PDZRN4: variants seen among roughly 807,000 people sequenced by gnomAD.
PDZRN4 encodes the protein PDZ domain containing ring finger 4.
In PDZRN4, 70 loss-of-function variants were observed where a neutral mutation model predicts 99.0. The observed-to-expected ratio is 0.71, with a 90% CI of 0.58 to 0.86. The LOEUF (loss-of-function observed/expected upper bound fraction) is 0.86, where lower values mean the gene tolerates loss of function less well. PDZRN4 is among the 40% of genes least tolerant of loss of function. The pLI is 0.00. For synonymous variants in PDZRN4, 551 were observed against 501.6 expected (o/e 1.10, Z -1.32); for missense variants, 1,474 against 1,331.2 (o/e 1.11, Z -1.67).
At chr12:41,413,047 G>C (rs536476273) in intron 3 of PDZRN4, 8 of 151,630 alleles carry the variant, frequency 5.3e-5, no homozygotes, top group Admixed American at 2.0e-4. Flanking sequence ...CCGAGATCAT[G>C]CCACTGCACT....
At chr12:41,522,582 T>C (rs191225637) in intron 5 of PDZRN4, among the ~76,000 whole-genome samples, 3 of 152,134 alleles carry the variant, frequency 2.0e-5, no homozygotes. Context: ...TGAATTAACA[T>C]TATCACCACT....
chr12:41,334,402 A>AAG (rs1413073129), intron 3 of PDZRN4, among the ~76,000 whole-genome samples: 4 of 150,900 alleles, frequency 2.7e-5, no homozygotes, highest in East Asian at 1.9e-4. Flanking sequence ...AAAAAAAAAA[A>AAG]AAAGAAAGAA....
At chr12:41,405,942 T>C (rs913356587) in intron 3 of PDZRN4, among the ~76,000 whole-genome samples, 3 of 150,928 alleles carry the variant, frequency 2.0e-5, no homozygotes, top group Non-Finnish European at 2.9e-5. Flanking sequence ...CACTGCAGAA[T>C]ACTACAGCAG....
chr12:41,554,200 G>A (rs1212263250), intron 6 of PDZRN4, among the ~76,000 whole-genome samples: 2 of 152,238 alleles, frequency 1.3e-5, no homozygotes, highest in Admixed American at 1.3e-4. Context: ...TATGTACAGA[G>A]ATAGGAAGGT....
chr12:41,421,248 G>A (rs996980855), intron 3 of PDZRN4, among the ~76,000 whole-genome samples: 16 of 151,946 alleles, frequency 1.1e-4, no homozygotes, highest in African/African-American at 3.9e-4. Context: ...TGTCACCCAG[G>A]AGTGCAATGG....
chr12:41,291,960 A>C (rs998090701), intron 3 of PDZRN4, among the ~76,000 whole-genome samples: 4 of 152,192 alleles, frequency 2.6e-5, no homozygotes, highest in African/African-American at 9.6e-5. Flanking sequence ...GACCAGGATA[A>C]CTGGAAATAT....
chr12:41,457,328 A>G (rs1301065401), intron 3 of PDZRN4, among the ~76,000 whole-genome samples: 5 of 152,134 alleles, frequency 3.3e-5, no homozygotes, highest in Admixed American at 3.3e-4. Context: ...TATTAGCTGC[A>G]TTTTTCTGAA....
intron 3 of PDZRN4, among the ~76,000 whole-genome samples, chr12:41,232,666 T>G (rs1951036399): frequency 6.6e-6 from 1 of 152,158 alleles, no homozygotes; most frequent in Non-Finnish European, 1.5e-5. Flanking sequence ...CAGAAGCTCT[T>G]TAGTTTAACT....
rs368698369 is a variant in PDZRN4, at chr12:41,228,473, A to T, written c.843+34285A>T. Among the ~76,000 whole-genome samples, 22 of 152,246 alleles carry T rather than the reference A, an allele frequency of 1.4e-4. No homozygotes were observed. In the East Asian group the frequency reaches 3.5e-3, roughly 24 times the overall value. On this transcript the variant is annotated intron_variant, in intron 3 of 9. Coordinates refer to ENST00000402685, the MANE Select transcript of PDZRN4 (RefSeq NM_001164595.2). ...TGAACTGTCTATTTAACTTGGATAT[A>T]ATAGGTCAAAAAAAAAGACTGACTC...
chr12:41,352,881 A>G (rs1443111727), intron 3 of PDZRN4, among the ~76,000 whole-genome samples: 1 of 152,166 alleles, frequency 6.6e-6, no homozygotes, highest in Non-Finnish European at 1.5e-5. Context: ...GTGAAAAGGT[A>G]GCTAACAGTG....
chr12:41,323,529 ATCT>A (rs1413592259), intron 3 of PDZRN4, among the ~76,000 whole-genome samples: 1 of 152,222 alleles, frequency 6.6e-6, no homozygotes, highest in Admixed American at 6.5e-5. Context: ...GAAGAGATTG[ATCT>A]TCTTATTGTA....
chr12:41,301,647 C>G (rs1027251773), intron 3 of PDZRN4, among the ~76,000 whole-genome samples: 1 of 152,052 alleles, frequency 6.6e-6, no homozygotes, highest in Non-Finnish European at 1.5e-5. Flanking sequence ...AATGCTAAAT[C>G]TAACAGCTAT....
chr12:41,488,417 A>C (rs940394393), intron 3 of PDZRN4, among the ~76,000 whole-genome samples: 2 of 152,236 alleles, frequency 1.3e-5, no homozygotes, highest in Non-Finnish European at 2.9e-5. Context: ...AAGAGATAGA[A>C]GATAAGATCT....
At chr12:41,316,659 G>C (rs1283339930) in intron 3 of PDZRN4, among the ~76,000 whole-genome samples, 1 of 151,920 alleles carries the variant, frequency 6.6e-6, no homozygotes, top group African/African-American at 2.4e-5. Flanking sequence ...TGTTTGTATG[G>C]CTTATAAGAT....
chr12:41,292,542 G>T (rs1271398213), intron 3 of PDZRN4, among the ~76,000 whole-genome samples: 1 of 152,094 alleles, frequency 6.6e-6, no homozygotes, highest in African/African-American at 2.4e-5. Flanking sequence ...CTTTGACTGG[G>T]TTTGTGCTTC....
At chr12:41,431,135 G>C (rs1194289261) in intron 3 of PDZRN4, among the ~76,000 whole-genome samples, 2 of 152,072 alleles carry the variant, frequency 1.3e-5, no homozygotes, top group Non-Finnish European at 1.5e-5. Context: ...ATTTGGGTGG[G>C]GACACAGATC....
chr12:41,229,440 C>G (rs893477409), intron 3 of PDZRN4, among the ~76,000 whole-genome samples: 1 of 152,052 alleles, frequency 6.6e-6, no homozygotes, highest in Non-Finnish European at 1.5e-5. Context: ...TCTCATTAAA[C>G]AGCAGATTCT....
intron 3 of PDZRN4, among the ~76,000 whole-genome samples, chr12:41,467,592 G>A (rs1279677626): frequency 1.3e-5 from 2 of 152,060 alleles, no homozygotes; most frequent in Admixed American, 6.5e-5. Context: ...ACTATGATAG[G>A]GCTTCACCAT....
At chr12:41,461,398 G>A (rs1389507633) in intron 3 of PDZRN4, among the ~76,000 whole-genome samples, 2 of 152,048 alleles carry the variant, frequency 1.3e-5, no homozygotes, top group Non-Finnish European at 2.9e-5. Context: ...AAGCCCCAGG[G>A]CATGTTGTTT....
Sources: allele counts gnomAD v4.1 joint callset (sites outside exome capture counted in the v4.1 genomes callset), GRCh38; gene constraint gnomAD v4.1.1; transcripts MANE v1.5; gene names NCBI Gene and HGNC (gene_info 2026-07-23, HGNC 2026-07-21).